The following GLB1 variants were observed in gnomAD, a reference collection of about 807,000 sequenced individuals.
GLB1 encodes the protein beta-galactosidase.
A neutral mutation model predicts 74.0 loss-of-function variants in GLB1; 56 were observed. That is an observed-to-expected ratio of 0.76 (90% CI 0.61 to 0.94). GLB1 has a LOEUF of 0.94. Ranked by LOEUF, GLB1 falls within the 40% of genes least tolerant of loss-of-function variation. The pLI, the probability that GLB1 is intolerant of heterozygous loss-of-function variation, is 0.00. For missense variants in GLB1, 787 were observed against 845.5 expected (o/e 0.93, Z 0.86); for synonymous variants, 323 against 323.6 (o/e 1.00, Z 0.02).
intron 1 of GLB1, among the ~76,000 whole-genome samples, chr3:33,075,616 T>A (rs899347689): frequency 5.9e-5 from 9 of 151,666 alleles, no homozygotes; most frequent in Non-Finnish European, 1.3e-4. Context: ...GTCGAGGCGG[T>A]AAAGTAAGGG....
chr3:33,003,202 A>G (rs1420934656), intron 15 of GLB1, among the ~76,000 whole-genome samples: 1 of 152,260 alleles, frequency 6.6e-6, no homozygotes, highest in Non-Finnish European at 1.5e-5. Flanking sequence ...GCATAAAATA[A>G]CAGCATAAAA....
intron 1 of GLB1, chr3:33,091,959 A>G: frequency 1.0e-6 from 1 of 984,586 alleles, no homozygotes; most frequent in Non-Finnish European, 1.2e-6. Context: ...TCTAGCCCCA[A>G]ATCTCCTACA....
At chr3:33,096,937 T>C in intron 1 of GLB1, 74 bp downstream of exon 1, 8 of 1,560,126 alleles carry the variant, frequency 5.1e-6, no homozygotes, top group Non-Finnish European at 6.9e-6. Flanking sequence ...CGCGGGTGGC[T>C]GCGACCCCAG....
chr3:33,077,274 G>A (rs1341130147), intron 1 of GLB1: 2 of 1,572,498 alleles, frequency 1.3e-6, no homozygotes, highest in Non-Finnish European at 1.7e-6. Context: ...AAGGTGGCAG[G>A]GCAGGAGGGT....
At chr3:33,022,563 G>GTTTTTTTT (rs1380045437) in intron 11 of GLB1, among the ~76,000 whole-genome samples, 1 of 15,316 alleles carries the variant, frequency 6.5e-5, no homozygotes, top group Non-Finnish European at 3.0e-4. Flanking sequence ...TACTGGTTAG[G>GTTTTTTTT]ATTTTTTTTT....
chr3:33,045,905 T>C (rs915120942), intron 10 of GLB1: 1 of 812,152 alleles, frequency 1.2e-6, no homozygotes, highest in Non-Finnish European at 1.8e-6. Context: ...TTTAAATACA[T>C]GTCTTATATC....
Position 32,996,892 on chromosome 3 carries a change from G to T in GLB1, c.*153C>A. 1 of 1,409,288 alleles carries T rather than the reference G, an allele frequency of 7.1e-7. No homozygotes were observed. Among genetic ancestry groups the T allele is most frequent in the Non-Finnish European group, 9.7e-7 (1 of 1,028,918 alleles). 87.3% of individuals were successfully genotyped at this position (1,409,288 alleles called of 1,614,324 possible). A position where few individuals can be genotyped will look rare whatever the true frequency, so the allele number is the denominator to read the frequency against. On this transcript the variant is annotated 3_prime_UTR_variant, in exon 16 of 16. Coordinates refer to ENST00000307363, the MANE Select transcript of GLB1 (RefSeq NM_000404.4). ...AGGTGGTCCCTGAAGGTGGGGCTTT[G>T]GCACTGCAGGGATGCAGGGAAACCT...
chr3:33,025,982 G>A (rs1697732364), intron 10 of GLB1, among the ~76,000 whole-genome samples: 1 of 152,190 alleles, frequency 6.6e-6, no homozygotes, highest in African/African-American at 2.4e-5. Context: ...GCCACGATGG[G>A]ACTGGGCCGA....
intron 15 of GLB1, among the ~76,000 whole-genome samples, chr3:33,002,439 T>A (rs1696618093): frequency 6.7e-6 from 1 of 148,912 alleles, no homozygotes; most frequent in Non-Finnish European, 1.5e-5. Flanking sequence ...ACTATCATAG[T>A]CCATTGCAGC....
the GLB1 span, among the ~76,000 whole-genome samples, chr3:32,972,852 A>T: frequency 6.6e-6 from 1 of 152,180 alleles, no homozygotes; most frequent in Non-Finnish European, 1.5e-5. Context: ...GGAGTCCTTA[A>T]AACCCGCCTG....
intron 4 of GLB1, among the ~76,000 whole-genome samples, chr3:33,067,967 C>A (rs1301560578): frequency 6.6e-6 from 1 of 152,202 alleles, no homozygotes; most frequent in Non-Finnish European, 1.5e-5. Context: ...TTCACTGCAA[C>A]TTCCGCCTCC....
intron 15 of GLB1, 142 bp from the exon 16 acceptor site, chr3:32,997,486 G>C: frequency 7.2e-7 from 1 of 1,395,016 alleles, no homozygotes; most frequent in Non-Finnish European, 9.8e-7. Context: ...CCAGGCCCAT[G>C]CCAGCCTTGG....
chr3:33,091,221 A>G lies in GLB1; in HGVS notation c.75+5790T>C, dbSNP rs1700745117. ...AAGGAAACCACCAAAATTTCAACTC[A>G]AAGATACATTTTAAACTGCATGGTA... On this transcript the variant is annotated intron_variant, in intron 1 of 15. Coordinates refer to ENST00000307363, the MANE Select transcript of GLB1 (RefSeq NM_000404.4). 5 of 985,378 alleles carry G rather than the reference A, an allele frequency of 5.1e-6. No homozygotes were observed. The South Asian group carries it at 2.3e-4, about 46-fold the overall frequency. 61.0% of individuals were successfully genotyped at this position (985,378 alleles called of 1,614,324 possible). A position where few individuals can be genotyped will look rare whatever the true frequency, so the allele number is the denominator to read the frequency against.
intron 6 of GLB1, among the ~76,000 whole-genome samples, chr3:33,053,956 T>C (rs949267188): frequency 3.9e-5 from 6 of 152,016 alleles, no homozygotes; most frequent in Non-Finnish European, 8.8e-5. Context: ...GAGGTTGCAG[T>C]GAGCCGAGAT....
intron 10 of GLB1, among the ~76,000 whole-genome samples, chr3:33,044,307 C>T (rs1698657491): frequency 6.6e-6 from 1 of 151,818 alleles, no homozygotes; most frequent in South Asian, 2.1e-4. Context: ...TTAAAAAACA[C>T]ATATCAATGG....
At chr3:33,062,528 G>T (rs1315063494) in intron 5 of GLB1, among the ~76,000 whole-genome samples, 1 of 152,104 alleles carries the variant, frequency 6.6e-6, no homozygotes, top group Non-Finnish European at 1.5e-5. Flanking sequence ...AGTGGCTCAT[G>T]GCTTTCATCC....
intron 1 of GLB1, chr3:33,077,178 C>T (rs765063996): frequency 2.0e-5 from 29 of 1,468,828 alleles, no homozygotes; most frequent in African/African-American, 8.4e-5. Context: ...TTTTGTGAAG[C>T]GGCAGCTGAG....
chr3:33,064,450 AAAC>A (rs1699582388), intron 5 of GLB1, among the ~76,000 whole-genome samples: 3 of 133,336 alleles, frequency 2.2e-5, no homozygotes, highest in Admixed American at 7.6e-5. Context: ...CTAAAAAAAA[AAAC>A]AAAAAACCTT....
the GLB1 span, among the ~76,000 whole-genome samples, chr3:32,971,835 G>C: frequency 6.6e-6 from 1 of 151,674 alleles, no homozygotes; most frequent in Admixed American, 6.6e-5. Flanking sequence ...CAACTGCTTG[G>C]AAGGAACCCT....
Sources: gnomAD v4.1 joint callset for allele counts (sites outside exome capture counted in the v4.1 genomes callset) on GRCh38, gnomAD v4.1.1 for gene constraint, MANE v1.5 for transcripts, NCBI Gene and HGNC (gene_info 2026-07-23, HGNC 2026-07-21) for gene names.